Variants in KLHL12 observed in about 807,000 individuals in gnomAD.
The protein encoded by KLHL12 is kelch-like protein 12.
KLHL12 carries 17 observed loss-of-function variants against 60.8 expected under a neutral mutation model. The ratio of observed to expected loss-of-function variants is 0.28; its 90% CI spans 0.19 to 0.42. The LOEUF is 0.42. Ranked by LOEUF, KLHL12 falls within the 10% of genes least tolerant of loss-of-function variation. The probability of loss-of-function intolerance (pLI) is 1.00; values close to 1 mark genes in which losing one functional copy is unlikely to be tolerated. For missense variants in KLHL12, 468 were observed against 722.3 expected (o/e 0.65, Z 4.04); for synonymous variants, 220 against 250.9 (o/e 0.88, Z 1.16).
intron 2 of KLHL12, among the ~76,000 whole-genome samples, chr1:202,920,224 G>T (rs1331483019): frequency 1.3e-5 from 2 of 151,838 alleles, no homozygotes; most frequent in Non-Finnish European, 2.9e-5. Context: ...TGAGGCAGGA[G>T]AATTGCTTCA....
At chr1:202,923,762 C>G (rs570319563) in intron 2 of KLHL12, among the ~76,000 whole-genome samples, 2 of 152,126 alleles carry the variant, frequency 1.3e-5, no homozygotes, top group African/African-American at 2.4e-5. Context: ...ATTACTAGCA[C>G]AGTACCTGGC....
chr1:202,920,143 G>A (rs907135742), intron 2 of KLHL12, among the ~76,000 whole-genome samples: 131 of 151,812 alleles, frequency 8.6e-4, no homozygotes, highest in African/African-American at 2.8e-3. Context: ...GTGAAACCCC[G>A]TCTCCACTAG....
At chr1:202,922,137 A>G (rs1359016117) in intron 2 of KLHL12, among the ~76,000 whole-genome samples, 1 of 152,242 alleles carries the variant, frequency 6.6e-6, no homozygotes, top group Non-Finnish European at 1.5e-5. Context: ...TTCACTATGT[A>G]AGAACTTAGA....
intron 6 of KLHL12, among the ~76,000 whole-genome samples, chr1:202,898,768 G>GA (rs1659916765): frequency 6.6e-6 from 1 of 152,080 alleles, no homozygotes; most frequent in African/African-American, 2.4e-5. Context: ...AAACGAGACT[G>GA]AAAAGAGACA....
chr1:202,893,345 C>A lies in KLHL12; in HGVS notation c.1474G>T (p.Ala492Ser), dbSNP rs781627618. 3.1e-6 allele frequency: 5 copies of A among 1,613,978 alleles called. No individual in the cohort carries two copies. In the African/African-American group the frequency reaches 6.7e-5, roughly 22 times the overall value. Residue 492 changes from alanine to serine, a missense_variant, in exon 11 of 12, where the codon GCA becomes TCA. This residue lies in a region of KLHL12 where 68 missense variants were observed against 119.8 expected (regional missense o/e 0.57). Coordinates refer to ENST00000367261, the MANE Select transcript of KLHL12 (RefSeq NM_021633.4). The surrounding 1 kb of genome is among the most constrained non-coding windows in gnomAD (Gnocchi z 4.1). ...CAGGAATCAGTGCGAATGTTGTATGCTTCAACGGAAGAAAGGTGGGCTGTA... is the reference window on the plus strand; with the variant it reads ...CAGGAATCAGTGCGAATGTTGTATGATTCAACGGAAGAAAGGTGGGCTGTA... Reference protein sequence around the residue: ...DGTAHLSSVEAYNIRTDSWTT... With the variant: ...DGTAHLSSVESYNIRTDSWTT...
intron 4 of KLHL12, chr1:202,912,161 C>A: frequency 1.1e-6 from 1 of 885,120 alleles, no homozygotes; most frequent in Non-Finnish European, 1.9e-6. Flanking sequence ...AAAGAAGACA[C>A]TGAAGAACAT....
chr1:202,927,206 C>T lies in KLHL12; in HGVS notation c.-163G>A. On this transcript the variant is annotated 5_prime_UTR_variant, in exon 1 of 12. Transcript: ENST00000367261. The stretch of plus-strand genomic sequence containing the variant: ...CCGAAGCGCCGCCCAGACCCGGAGG[C>T]TCTGGAGGCTCTGGAGCCGTCCGGG... 1.0e-6 allele frequency: 1 copy of T among 985,172 alleles called. No individual in the cohort carries two copies. The highest frequency in any genetic ancestry group is 4.7e-5 in the South Asian group (1 of 21,276). The allele number at this position is 985,172 out of a possible 1,614,324, so 61.0% of individuals were successfully genotyped here. A position where few individuals can be genotyped will look rare whatever the true frequency, so the allele number is the denominator to read the frequency against.
chr1:202,892,356 G>T lies in KLHL12; in HGVS notation c.*177C>A. On this transcript the variant is annotated 3_prime_UTR_variant, in exon 12 of 12. Transcript: ENST00000367261. The stretch of plus-strand genomic sequence containing the variant: ...AATATCTGTTACCCACCCTTCTCAG[G>T]AACAAGAACCAGGACGACGGGGAGT... 2 of 613,930 alleles carry T rather than the reference G, an allele frequency of 3.3e-6. No individual in the cohort carries two copies. The highest frequency in any genetic ancestry group is 2.7e-6 in the Non-Finnish European group (1 of 372,342). 38.0% of individuals were successfully genotyped at this position (613,930 alleles called of 1,614,324 possible).
chr1:202,908,773 T>C (rs1279747250), intron 6 of KLHL12, among the ~76,000 whole-genome samples: 1 of 152,194 alleles, frequency 6.6e-6, no homozygotes, highest in Non-Finnish European at 1.5e-5. Context: ...ATGTATAAAG[T>C]GCTTTTATAT....
chr1:202,896,790 A>T (rs534589877), intron 7 of KLHL12, 64 bp downstream of exon 7: 8 of 1,213,048 alleles, frequency 6.6e-6, no homozygotes, highest in Non-Finnish European at 9.8e-6. Flanking sequence ...ATTAGCTATG[A>T]TCTGGAGGCA....
intron 2 of KLHL12, 126 bp from the exon 3 acceptor site, chr1:202,920,034 C>G (rs1482364472): frequency 2.2e-6 from 2 of 901,056 alleles, no homozygotes; most frequent in Non-Finnish European, 3.3e-6. Context: ...AAATTACAGG[C>G]CAGGCGTGGT....
chr1:202,898,916 T>C (rs1659921118), intron 6 of KLHL12, among the ~76,000 whole-genome samples: 1 of 150,760 alleles, frequency 6.6e-6, no homozygotes, highest in African/African-American at 2.4e-5. Context: ...TTTTAAACAG[T>C]GATAATGGCA....
At chr1:202,920,369 ATTTTTTTT>A (rs951695987) in intron 2 of KLHL12, among the ~76,000 whole-genome samples, 6 of 83,826 alleles carry the variant, frequency 7.2e-5, no homozygotes, top group East Asian at 3.7e-4. Flanking sequence ...ATTTTGTTGG[ATTTTTTTT>A]TTTTTTTTTT....
chr1:202,895,259 G>A lies in KLHL12; in HGVS notation c.1135+263C>T, dbSNP rs1341346989. Reference sequence around the variant, plus strand: ...ATACAAAAATATAGCTGGGCATGGTGGTGCATGCCTGTAGTCCCAGCTACT... The same window carrying A: ...ATACAAAAATATAGCTGGGCATGGTAGTGCATGCCTGTAGTCCCAGCTACT... On this transcript the variant is annotated intron_variant, in intron 8 of 11. Transcript: ENST00000367261. This position sits in a 1 kb window ranked among gnomAD's most constrained non-coding sequence, Gnocchi z 4.2. Among the ~76,000 whole-genome samples the A allele has an allele frequency of 6.6e-6, 1 of 152,036 alleles. No homozygotes were observed. The highest frequency in any genetic ancestry group is 1.5e-5 in the Non-Finnish European group (1 of 68,012).
chr1:202,902,275 C>T (rs1205358241), intron 6 of KLHL12, among the ~76,000 whole-genome samples: 1 of 151,916 alleles, frequency 6.6e-6, no homozygotes, highest in East Asian at 1.9e-4. Flanking sequence ...AGTGAAAATA[C>T]AAAAATCAGC....
At chr1:202,923,044 T>C (rs1326488413) in intron 2 of KLHL12, among the ~76,000 whole-genome samples, 1 of 152,176 alleles carries the variant, frequency 6.6e-6, no homozygotes, top group Non-Finnish European at 1.5e-5. Flanking sequence ...TATACAGAAT[T>C]GCTAAGAGAA....
At chr1:202,897,168 T>C (rs1659861600) in intron 6 of KLHL12, among the ~76,000 whole-genome samples, 1 of 151,992 alleles carries the variant, frequency 6.6e-6, no homozygotes. Flanking sequence ...GAAACTTAAA[T>C]TTCTGGACAT....
chr1:202,914,939 T>C (rs1238616488), intron 4 of KLHL12: 2 of 151,012 alleles, frequency 1.3e-5, no homozygotes, highest in South Asian at 2.1e-4. Flanking sequence ...CTGTAACTGA[T>C]TGTGGTCAAC....
At chr1:202,925,738 A>C (rs1653514263) in intron 1 of KLHL12, among the ~76,000 whole-genome samples, 1 of 152,182 alleles carries the variant, frequency 6.6e-6, no homozygotes, top group African/African-American at 2.4e-5. Context: ...ACTCAGTAAA[A>C]ATAAACTTTT....
Sources: allele counts gnomAD v4.1 joint callset (sites outside exome capture counted in the v4.1 genomes callset), GRCh38; gene constraint gnomAD v4.1.1; regional missense constraint gnomAD v4.1.1; non-coding constraint Gnocchi (gnomAD v3.1); transcripts MANE v1.5; gene names NCBI Gene and HGNC (gene_info 2026-07-23, HGNC 2026-07-21).